BCAS3: variants seen among roughly 807,000 people sequenced by gnomAD.
BCAS3 encodes the protein BCAS4/BCAS3 fusion.
BCAS3 carries 53 observed loss-of-function variants against 116.1 expected under a neutral mutation model. The observed-to-expected ratio is 0.46, with a 90% CI of 0.37 to 0.57. The LOEUF (loss-of-function observed/expected upper bound fraction) is 0.57. BCAS3 is among the 20% of genes least tolerant of loss of function. The pLI, the probability that BCAS3 is intolerant of heterozygous loss-of-function variation, is 0.00. For missense variants in BCAS3, 917 were observed against 1,165.4 expected, an observed-to-expected ratio of 0.79 and a Z score of 3.10; for synonymous variants, 391 against 408.2, an observed-to-expected ratio of 0.96 and a Z score of 0.51.
rs1237056753 is a variant in BCAS3, at chr17:61,082,871, T to C, written c.2328-1596T>C. Among the ~76,000 whole-genome samples the C allele has an allele frequency of 1.3e-5, 2 of 152,192 alleles. No individual in the cohort carries two copies. Among genetic ancestry groups the C allele is most frequent in the Non-Finnish European group, 2.9e-5 (2 of 68,024 alleles). On this transcript the variant is annotated intron_variant, in intron 21 of 23. Transcript: ENST00000407086. This position sits in a 1 kb window ranked among gnomAD's most constrained non-coding sequence, Gnocchi z 5.1. ...AATCAGTATTTTCACCTTCCGGTAA[T>C]AGATCATCCTATACCTCCCTCCTGT...
intron 17 of BCAS3, among the ~76,000 whole-genome samples, chr17:61,035,697 A>G (rs2066971512): frequency 6.6e-6 from 1 of 151,776 alleles, no homozygotes; most frequent in South Asian, 2.1e-4. Flanking sequence ...TTATCTGTGG[A>G]GGATACATCC....
intron 22 of BCAS3, among the ~76,000 whole-genome samples, chr17:61,153,641 GA>G (rs2077664873): frequency 6.6e-6 from 1 of 152,120 alleles, no homozygotes; most frequent in Non-Finnish European, 1.5e-5. Flanking sequence ...AAAAATTTCA[GA>G]ACCCCAGAGG....
rs1017528929 is a variant in BCAS3 at position 60,972,762 on chromosome 17, C to T, written c.1222-17209C>T. Among the ~76,000 whole-genome samples, 7 of 152,102 alleles carry T rather than the reference C, an allele frequency of 4.6e-5. No homozygotes were observed. The East Asian group carries it at 9.6e-4, about 21-fold the overall frequency. On this transcript the variant is annotated intron_variant, in intron 14 of 23. Transcript: ENST00000407086. ...TCACTGTGTCCAGCCCGAAAGTGCA[C>T]GTGTTTTTATCAGTTCTGAAGGATA...
At chr17:60,947,648 T>G (rs2060584607) in intron 14 of BCAS3, among the ~76,000 whole-genome samples, 1 of 152,200 alleles carries the variant, frequency 6.6e-6, no homozygotes, top group African/African-American at 2.4e-5. Flanking sequence ...ACTCCTGTCA[T>G]TCATTTGCTG....
intron 22 of BCAS3, among the ~76,000 whole-genome samples, chr17:61,292,953 G>C (rs1274938367): frequency 1.3e-5 from 2 of 152,126 alleles, no homozygotes; most frequent in African/African-American, 4.8e-5. Flanking sequence ...ATAAACGTAA[G>C]CAATAACCAA....
intron 6 of BCAS3, among the ~76,000 whole-genome samples, chr17:60,792,412 C>T (rs1221843438): frequency 1.3e-5 from 2 of 152,216 alleles, no homozygotes; most frequent in African/African-American, 4.8e-5. Flanking sequence ...TGCCTCACCA[C>T]TCTGCTTGCC....
At position 60,885,831 on chromosome 17, in the gene BCAS3, C is replaced by T. The variant is rs1204872571; in HGVS notation, c.662-3864C>T. Reference sequence around the variant, plus strand: ...AGAGATCTGCTGTTAGTCTGATGGGCTTCCCTTTGAGGGTAACCCGACCTT... The same window carrying T: ...AGAGATCTGCTGTTAGTCTGATGGGTTTCCCTTTGAGGGTAACCCGACCTT... On this transcript the variant is annotated intron_variant, in intron 9 of 23. Coordinates refer to ENST00000407086, the MANE Select transcript of BCAS3 (RefSeq NM_017679.5). Among the ~76,000 whole-genome samples, 4 of 145,404 alleles carry T rather than the reference C, an allele frequency of 2.8e-5. No homozygotes were observed. The East Asian group carries it at 5.9e-4, about 21-fold the overall frequency.
intron 22 of BCAS3, among the ~76,000 whole-genome samples, chr17:61,216,664 C>T (rs949490356): frequency 2.6e-5 from 4 of 151,714 alleles, no homozygotes; most frequent in African/African-American, 9.7e-5. Context: ...CTGCCTCAGC[C>T]TCCTGAGTAG....
chr17:60,937,536 C>G (rs1436813952), intron 13 of BCAS3, among the ~76,000 whole-genome samples: 1 of 152,162 alleles, frequency 6.6e-6, no homozygotes. Context: ...CCTCTCTAAG[C>G]AACATCCATA....
At chr17:60,886,360 A>G (rs2144978345) in intron 9 of BCAS3, 1 of 147,182 alleles carries the variant, frequency 6.8e-6, no homozygotes, top group African/African-American at 2.5e-5. Context: ...ATTTTTTTCA[A>G]AGTTTTCAAC....
chr17:60,740,918 T>C (rs954362489), intron 5 of BCAS3, among the ~76,000 whole-genome samples: 8 of 152,192 alleles, frequency 5.3e-5, no homozygotes, highest in African/African-American at 1.9e-4. Context: ...CAGTATTGGC[T>C]GTTAGAGCCT....
At chr17:61,024,714 C>G (rs1158338741) in intron 16 of BCAS3, among the ~76,000 whole-genome samples, 4 of 151,330 alleles carry the variant, frequency 2.6e-5, no homozygotes, top group African/African-American at 9.7e-5. Flanking sequence ...AAAAGGAAAC[C>G]TAAACCTGGA....
At chr17:61,031,926 T>C (rs965241173) in intron 16 of BCAS3, among the ~76,000 whole-genome samples, 1 of 152,098 alleles carries the variant, frequency 6.6e-6, no homozygotes, top group African/African-American at 2.4e-5. Flanking sequence ...AATAACACCG[T>C]GTTGATGCTT....
intron 14 of BCAS3, among the ~76,000 whole-genome samples, chr17:60,982,007 T>C (rs1268286789): frequency 1.3e-5 from 2 of 152,194 alleles, no homozygotes; most frequent in Non-Finnish European, 2.9e-5. Context: ...TGAAAAGAAA[T>C]TATATGTGTA....
intron 14 of BCAS3, among the ~76,000 whole-genome samples, chr17:60,966,662 CTTTTTTTTTTT>C (rs754857618): frequency 7.5e-6 from 1 of 133,082 alleles, no homozygotes; most frequent in Non-Finnish European, 1.6e-5. Flanking sequence ...TATCACCCAA[CTTTTTTTTTTT>C]TTTTTTTTTG....
Position 61,156,174 on chromosome 17 carries a change from A to T in BCAS3, c.2425+71610A>T, listed in dbSNP as rs912386635. Among the ~76,000 whole-genome samples, 3 of 149,100 alleles carry T rather than the reference A, an allele frequency of 2.0e-5. No individual in the cohort carries two copies. The highest frequency in any genetic ancestry group is 7.5e-5 in the African/African-American group (3 of 39,904). On this transcript the variant is annotated intron_variant, in intron 22 of 23. Transcript: ENST00000407086. This position sits in a 1 kb window ranked among gnomAD's most constrained non-coding sequence, Gnocchi z 4.7. ...AAAGACAGTCAGCCAGACACATTAA[A>T]AAAAAAAAAAAGAAAAGTAAAATCT...
intron 6 of BCAS3, among the ~76,000 whole-genome samples, chr17:60,778,507 G>A (rs2045511163): frequency 6.6e-6 from 1 of 151,998 alleles, no homozygotes; most frequent in Non-Finnish European, 1.5e-5. Context: ...ATTCCCTCAG[G>A]AATGATTTGC....
intron 15 of BCAS3, among the ~76,000 whole-genome samples, chr17:60,998,321 T>C (rs954683237): frequency 1.3e-5 from 2 of 152,010 alleles, no homozygotes; most frequent in Non-Finnish European, 2.9e-5. Flanking sequence ...AGTGCATGTG[T>C]TTTTTTTGTA....
rs1303044732 is a variant in BCAS3 at position 61,013,914 on chromosome 17, G to C, written c.1487-1837G>C. ...ACTTTTGACTTTTCACTACCTCTCAGGCTACCATTAGATACTGTGTGGTAG... is the reference window on the plus strand; with the variant it reads ...ACTTTTGACTTTTCACTACCTCTCACGCTACCATTAGATACTGTGTGGTAG... On this transcript the variant is annotated intron_variant, in intron 15 of 23. Coordinates refer to ENST00000407086, the MANE Select transcript of BCAS3 (RefSeq NM_017679.5). This position sits in a 1 kb window ranked among gnomAD's most constrained non-coding sequence, Gnocchi z 4.4. 6.6e-6 allele frequency among the ~76,000 whole-genome samples: 1 copy of C among 151,974 alleles called. No individual in the cohort carries two copies. Among genetic ancestry groups the C allele is most frequent in the Non-Finnish European group, 1.5e-5 (1 of 67,960 alleles).
Sources: gnomAD v4.1 joint callset for allele counts (sites outside exome capture counted in the v4.1 genomes callset) on GRCh38, gnomAD v4.1.1 for gene constraint, Gnocchi (gnomAD v3.1) non-coding constraint, MANE v1.5 for transcripts, NCBI Gene and HGNC (gene_info 2026-07-23, HGNC 2026-07-21) for gene names.